Variants in RRAGD observed in about 807,000 individuals in gnomAD.
The protein encoded by RRAGD is ras-related GTP-binding protein D.
RRAGD carries 12 observed loss-of-function variants against 35.5 expected under a neutral mutation model. That is an observed-to-expected ratio of 0.34 (90% CI 0.22 to 0.55). RRAGD has a LOEUF of 0.55. RRAGD is among the 20% of genes least tolerant of loss of function. The pLI, the probability that RRAGD is intolerant of heterozygous loss-of-function variation, is 0.91. For synonymous variants in RRAGD, 155 were observed against 178.9 expected (o/e 0.87, Z 1.07); for missense variants, 324 against 490.1 (o/e 0.66, Z 3.20).
At chr6:89,405,194 A>G (rs1344423823) in intron 1 of RRAGD, among the ~76,000 whole-genome samples, 2 of 151,872 alleles carry the variant, frequency 1.3e-5, no homozygotes, top group East Asian at 1.9e-4. Context: ...ACTAAAAAAA[A>G]TACAAAAAAA....
chr6:89,406,470 A>T (rs990743726), intron 1 of RRAGD, among the ~76,000 whole-genome samples: 2 of 152,028 alleles, frequency 1.3e-5, no homozygotes, highest in Non-Finnish European at 2.9e-5. Flanking sequence ...GCGGCTGGAC[A>T]TCGAGAGGAG....
At chr6:89,389,574 A>AG (rs1368286939) in intron 1 of RRAGD, among the ~76,000 whole-genome samples, 1 of 151,848 alleles carries the variant, frequency 6.6e-6, no homozygotes, top group East Asian at 1.9e-4. Context: ...AAAAAAAAAA[A>AG]AAGAAGTTGG....
chr6:89,371,934 G>A (rs1358982954), intron 6 of RRAGD, among the ~76,000 whole-genome samples: 1 of 152,184 alleles, frequency 6.6e-6, no homozygotes, highest in Non-Finnish European at 1.5e-5. Context: ...TGCCATCCCT[G>A]TGTTCTGAAG....
At chr6:89,397,664 T>C (rs2127895080) in intron 1 of RRAGD, among the ~76,000 whole-genome samples, 1 of 152,108 alleles carries the variant, frequency 6.6e-6, no homozygotes, top group South Asian at 2.1e-4. Flanking sequence ...CACTAGCAGT[T>C]GACTAGATAC....
At chr6:89,380,480 G>A (rs1188338839) in intron 2 of RRAGD, 113 bp from the exon 3 acceptor site, 24 of 813,072 alleles carry the variant, frequency 3.0e-5, no homozygotes, top group Admixed American at 1.4e-4. Flanking sequence ...ACGTTGCAAA[G>A]GTTCCCCTCA....
At chr6:89,378,126 A>G (rs771255175) in intron 4 of RRAGD, among the ~76,000 whole-genome samples, 9 of 152,160 alleles carry the variant, frequency 5.9e-5, no homozygotes, top group Non-Finnish European at 1.2e-4. Flanking sequence ...CAACCGGGAG[A>G]AACCTGTCTC....
chr6:89,372,638 T>C, intron 5 of RRAGD, 53 bp from the exon 6 acceptor site: 9 of 1,488,196 alleles, frequency 6.0e-6, no homozygotes, highest in Non-Finnish European at 8.1e-6. Flanking sequence ...AACTAGAAAC[T>C]GTAAGCCAGT....
intron 2 of RRAGD, among the ~76,000 whole-genome samples, chr6:89,385,010 C>G (rs1276276792): frequency 6.6e-6 from 1 of 151,644 alleles, no homozygotes; most frequent in East Asian, 1.9e-4. Context: ...GTTATAATCA[C>G]ACTTGTGAAT....
intron 1 of RRAGD, among the ~76,000 whole-genome samples, chr6:89,408,452 G>A (rs904182908): frequency 3.9e-5 from 6 of 152,120 alleles, no homozygotes; most frequent in African/African-American, 9.7e-5. Flanking sequence ...CCACAAGTCC[G>A]AGACCAGCCT....
chr6:89,407,740 T>C (rs567362628), intron 1 of RRAGD, among the ~76,000 whole-genome samples: 2 of 152,196 alleles, frequency 1.3e-5, no homozygotes, highest in African/African-American at 4.8e-5. Context: ...TGGGGGAGGA[T>C]TGAATAACAC....
In RRAGD at chr6:89,365,373, T is replaced by C. The variant is rs929867288; in HGVS notation, c.*2683A>G. ...AATCCCTAAAACCAAGCAAAAATGT[T>C]CCAGTGCAGTTGCTGTAGCCATGTA... On this transcript the variant is annotated 3_prime_UTR_variant, in exon 7 of 7. Transcript: ENST00000369415. 8 of 152,204 alleles carry C rather than the reference T, an allele frequency of 5.3e-5. No individual in the cohort carries two copies. The highest frequency in any genetic ancestry group is 8.8e-5 in the Non-Finnish European group (6 of 68,048). The allele number at this position is 152,204 out of a possible 1,614,324, so 9.4% of individuals were successfully genotyped here.
chr6:89,406,336 T>C (rs1769578305), intron 1 of RRAGD, among the ~76,000 whole-genome samples: 1 of 151,930 alleles, frequency 6.6e-6, no homozygotes, highest in Non-Finnish European at 1.5e-5. Flanking sequence ...CCGGCCCAAA[T>C]GTTGCAAGAC....
chr6:89,382,721 C>T (rs1000615956), intron 2 of RRAGD, among the ~76,000 whole-genome samples: 2 of 151,272 alleles, frequency 1.3e-5, no homozygotes, highest in African/African-American at 4.9e-5. Context: ...TAAAAAAATA[C>T]AAAAATTAGC....
In RRAGD at chr6:89,387,556, C is replaced by T. The variant is rs1582513516; in HGVS notation, c.183G>A (p.Val61=). The T allele has an allele frequency of 6.2e-7, 1 of 1,614,134 alleles. No individual in the cohort carries two copies. Among genetic ancestry groups the T allele is most frequent in the Admixed American group, 1.7e-5 (1 of 60,010 alleles). ...GGCCCATGAGCAGGATTCTCGGCTT[C>T]ACTTCAGTGCTGAAGGGGTCACTGA... The part of the protein sequence containing the change: ...LDFSDPFSTE[V]KPRILLMGLR... Residue 61 remains valine, a synonymous_variant, in exon 2 of 7, where the codon GTG becomes GTA. Coordinates refer to ENST00000369415, the MANE Select transcript of RRAGD (RefSeq NM_021244.5).
chr6:89,398,203 G>C (rs1388218378), intron 1 of RRAGD, among the ~76,000 whole-genome samples: 1 of 152,130 alleles, frequency 6.6e-6, no homozygotes, highest in Non-Finnish European at 1.5e-5. Flanking sequence ...AAAGGTCAGA[G>C]GGAGGAAGAA....
chr6:89,412,148 C>T lies in RRAGD; in HGVS notation c.-155G>A, dbSNP rs1028135813. 4 of 663,894 alleles carry T rather than the reference C, an allele frequency of 6.0e-6. No individual in the cohort carries two copies. The East Asian group carries it at 1.1e-4, about 19-fold the overall frequency. The allele number at this position is 663,894 out of a possible 1,614,324, so 41.1% of individuals were successfully genotyped here. On this transcript the variant is annotated 5_prime_UTR_variant, in exon 1 of 7. Coordinates refer to ENST00000369415, the MANE Select transcript of RRAGD (RefSeq NM_021244.5). This position sits in a 1 kb window ranked among gnomAD's most constrained non-coding sequence, Gnocchi z 4.2. ...CGGGGGCCGCGCGTCCCCCGGCGGG[C>T]GGCGCCCAGGTCCGGGTCCCGCGGT... is the stretch of plus-strand genomic sequence containing the variant.
intron 4 of RRAGD, 105 bp from the exon 5 acceptor site, chr6:89,377,918 CA>C: frequency 1.2e-6 from 1 of 818,836 alleles, no homozygotes. Flanking sequence ...ACAAAATGAG[CA>C]AAACTCGCTA....
At chr6:89,407,356 G>T (rs977673106) in intron 1 of RRAGD, among the ~76,000 whole-genome samples, 1 of 152,110 alleles carries the variant, frequency 6.6e-6, no homozygotes, top group African/African-American at 2.4e-5. Context: ...AGAAGGAAGA[G>T]GCCGGGCGCG....
At chr6:89,409,558 T>C (rs1018304826) in intron 1 of RRAGD, among the ~76,000 whole-genome samples, 3 of 152,238 alleles carry the variant, frequency 2.0e-5, no homozygotes. Flanking sequence ...AAGATTATAA[T>C]GCAACACGTG....
Sources: allele counts gnomAD v4.1 joint callset (sites outside exome capture counted in the v4.1 genomes callset), GRCh38; gene constraint gnomAD v4.1.1; non-coding constraint Gnocchi (gnomAD v3.1); transcripts MANE v1.5; gene names NCBI Gene and HGNC (gene_info 2026-07-23, HGNC 2026-07-21).